ASIC2: variants seen among roughly 807,000 people sequenced by gnomAD.
The protein encoded by ASIC2 is acid-sensing ion channel 2.
A neutral mutation model predicts 57.3 loss-of-function variants in ASIC2; 25 were observed. The ratio of observed to expected loss-of-function variants is 0.44; its 90% confidence interval spans 0.32 to 0.61. The LOEUF is 0.61. Among genes scored for constraint, ASIC2 ranks in the 20% least tolerant of loss-of-function variants. The pLI is 0.06. For missense variants in ASIC2, 641 were observed against 738.1 expected, an observed-to-expected ratio of 0.87 and a Z score of 1.52; for synonymous variants, 319 against 307.5, an observed-to-expected ratio of 1.04 and a Z score of -0.39.
intron 1 of ASIC2, among the ~76,000 whole-genome samples, chr17:33,632,202 C>T (rs543842698): frequency 6.6e-5 from 10 of 152,202 alleles, no homozygotes; most frequent in South Asian, 2.1e-4. Context: ...ATATAATGCA[C>T]GGAAATCCCT....
rs1258178931 is a variant in ASIC2, at chr17:33,563,295, C to T, written c.556-451228G>A. Among the ~76,000 whole-genome samples, 3 of 152,196 alleles carry T rather than the reference C, an allele frequency of 2.0e-5. No homozygotes were observed. The East Asian group carries it at 5.8e-4, about 29-fold the overall frequency. The stretch of plus-strand genomic sequence containing the variant: ...TTTACATGTCTGCTAATCCAATCTG[C>T]TCAGCAGCCTAATGATGTAGATATT... On this transcript the variant is annotated intron_variant, in intron 1 of 9. Transcript: ENST00000359872.
intron 1 of ASIC2, among the ~76,000 whole-genome samples, chr17:33,667,987 TAC>T (rs1459234490): frequency 2.0e-4 from 31 of 152,332 alleles, no homozygotes; most frequent in Non-Finnish European, 3.7e-4. Flanking sequence ...GTAGGAAAAC[TAC>T]AGTTATCTTT....
chr17:33,783,653 C>G (rs770161002), intron 1 of ASIC2, among the ~76,000 whole-genome samples: 1 of 152,130 alleles, frequency 6.6e-6, no homozygotes, highest in Non-Finnish European at 1.5e-5. Flanking sequence ...TGTCATCTGT[C>G]TATATTTTGG....
intron 1 of ASIC2, among the ~76,000 whole-genome samples, chr17:33,300,563 TTC>T (rs1212526569): frequency 1.3e-5 from 2 of 152,222 alleles, no homozygotes; most frequent in African/African-American, 4.8e-5. Context: ...ATGCAGATAT[TTC>T]TGTTTGCCTC....
At chr17:33,301,249 G>A (rs957147546) in intron 1 of ASIC2, among the ~76,000 whole-genome samples, 10 of 148,680 alleles carry the variant, frequency 6.7e-5, no homozygotes, top group African/African-American at 2.5e-4. Context: ...CCATGTCATC[G>A]AGGCTGGTCT....
chr17:33,025,973 G>A lies in ASIC2; in HGVS notation c.1148C>T (p.Pro383Leu), dbSNP rs777027781. The A allele has an allele frequency of 1.2e-6, 2 of 1,613,644 alleles. No homozygotes were observed. Among genetic ancestry groups the A allele is most frequent in the Non-Finnish European group, 1.7e-6 (2 of 1,179,808 alleles). The change falls in exon 5 of 10, where the codon CCT becomes CTT. Residue 383 changes from proline to leucine, a missense_variant. Physicochemically the swap from Pro to Leu is moderately conservative, Grantham distance 98. Coordinates refer to ENST00000225823, the MANE Select transcript of ASIC2 (RefSeq NM_183377.2). ...CRMVHMPGDA[P>L]FCTPEQHKEC... ...CTTGTGCTGCTCAGGGGTACAAAAA[G>A]GGGCATCCCCTGCAAAGAAGAAACA...
chr17:33,526,634 G>A (rs892331660), intron 1 of ASIC2, among the ~76,000 whole-genome samples: 4 of 152,058 alleles, frequency 2.6e-5, no homozygotes, highest in Admixed American at 2.0e-4. Context: ...GGGCCAGGTT[G>A]CCTTTGCTGC....
At chr17:34,079,309 T>C (rs1271816314) in intron 1 of ASIC2, among the ~76,000 whole-genome samples, 1 of 152,152 alleles carries the variant, frequency 6.6e-6, no homozygotes, top group East Asian at 1.9e-4. Context: ...GCAATTTTCA[T>C]CTCAGTCATA....
chr17:33,424,367 G>A (rs564610598), intron 1 of ASIC2, among the ~76,000 whole-genome samples: 3 of 152,342 alleles, frequency 2.0e-5, no homozygotes, highest in Admixed American at 6.5e-5. Context: ...GGGAAACCAG[G>A]AAGGAGAGAA....
intron 1 of ASIC2, among the ~76,000 whole-genome samples, chr17:33,705,315 C>T (rs563693594): frequency 1.1e-4 from 17 of 152,188 alleles, no homozygotes; most frequent in South Asian, 2.1e-4. Flanking sequence ...ACTAATTTAT[C>T]GTATGTAAAT....
At chr17:33,304,977 C>G (rs1417991470) in intron 1 of ASIC2, among the ~76,000 whole-genome samples, 1 of 152,056 alleles carries the variant, frequency 6.6e-6, no homozygotes, top group Admixed American at 6.6e-5. Flanking sequence ...TTGGTGTTAG[C>G]ACCCGTGATG....
intron 1 of ASIC2, among the ~76,000 whole-genome samples, chr17:34,020,791 T>A (rs1050055468): frequency 2.0e-5 from 3 of 152,168 alleles, no homozygotes; most frequent in Non-Finnish European, 2.9e-5. Flanking sequence ...GCCCGCACCG[T>A]GATTTCAGCA....
intron 1 of ASIC2, among the ~76,000 whole-genome samples, chr17:33,987,886 T>C (rs1351064015): frequency 1.3e-5 from 2 of 152,160 alleles, no homozygotes; most frequent in Non-Finnish European, 1.5e-5. Context: ...TTAATAAAAA[T>C]AACAGAGGTA....
intron 1 of ASIC2, among the ~76,000 whole-genome samples, chr17:33,190,550 A>G (rs1906374016): frequency 1.3e-5 from 2 of 152,204 alleles, no homozygotes; most frequent in Non-Finnish European, 2.9e-5. Flanking sequence ...ACTAAAAATT[A>G]TATGGAAATG....
intron 1 of ASIC2, among the ~76,000 whole-genome samples, chr17:33,789,738 T>TA (rs1447034968): frequency 1.3e-5 from 2 of 152,178 alleles, no homozygotes; most frequent in African/African-American, 4.8e-5. Flanking sequence ...GTGTTTTAGA[T>TA]ACATTTGTTT....
chr17:33,470,090 G>C (rs1313092274), intron 1 of ASIC2, among the ~76,000 whole-genome samples: 1 of 152,190 alleles, frequency 6.6e-6, no homozygotes, highest in Non-Finnish European at 1.5e-5. Context: ...TCAGAGCTGG[G>C]AATGACTCAT....
chr17:33,538,779 T>G (rs570634271), intron 1 of ASIC2, among the ~76,000 whole-genome samples: 101 of 152,320 alleles, frequency 6.6e-4, no homozygotes, highest in African/African-American at 2.3e-3. Context: ...ATGCTCTCTT[T>G]TGAAGAGGCA....
chr17:33,575,724 AC>A (rs1916597238), intron 1 of ASIC2, among the ~76,000 whole-genome samples: 1 of 152,136 alleles, frequency 6.6e-6, no homozygotes, highest in African/African-American at 2.4e-5. Context: ...CTCCATGAAA[AC>A]TGTATTTGAA....
At chr17:33,859,307 A>G (rs1056736733) in intron 1 of ASIC2, among the ~76,000 whole-genome samples, 7 of 152,236 alleles carry the variant, frequency 4.6e-5, no homozygotes, top group African/African-American at 1.4e-4. Flanking sequence ...GCACAATAAA[A>G]TTGATTCCAA....
Sources: gnomAD v4.1 joint callset for allele counts (sites outside exome capture counted in the v4.1 genomes callset) on GRCh38, gnomAD v4.1.1 for gene constraint, MANE v1.5 for transcripts, NCBI Gene and HGNC (gene_info 2026-07-23, HGNC 2026-07-21) for gene names.